MDH2: variants seen among roughly 807,000 people sequenced by gnomAD.
MDH2 encodes the protein malate dehydrogenase, mitochondrial.
In MDH2, 25 loss-of-function variants were observed where a neutral mutation model predicts 33.6. The observed-to-expected ratio is 0.74, with a 90% CI of 0.54 to 1.04. The LOEUF is 1.04. Among genes scored for constraint, MDH2 ranks in the 50% least tolerant of loss-of-function variants. MDH2 has a pLI of 0.00. For missense variants in MDH2, 432 were observed against 445.0 expected (o/e 0.97, Z 0.26); for synonymous variants, 193 against 188.7 (o/e 1.02, Z -0.19).
chr7:76,060,421 G>A lies in MDH2; in HGVS notation c.478G>A (p.Val160Met), dbSNP rs138541865. Residue 160 changes from valine to methionine, a missense_variant, in exon 5 of 9, where the codon GTG (valine) becomes ATG (methionine). Physicochemically the swap from Val to Met is conservative, Grantham distance 21. Transcript: ENST00000315758. ...AGCAGAAGTTTTCAAGAAGCATGGA[G>A]TGTACAACCCCAACAAAATCTTCGG... ...ITAEVFKKHG[V>M]YNPNKIFGVT... is the part of the protein sequence containing the mutation. 158 of 1,614,092 alleles carry A rather than the reference G, an allele frequency of 9.8e-5. 1 individual carries two copies. The highest frequency in any genetic ancestry group is 1.2e-4 in the Non-Finnish European group (147 of 1,180,044).
At chr7:76,060,871 C>T (rs1033654536) in intron 5 of MDH2, among the ~76,000 whole-genome samples, 2 of 151,686 alleles carry the variant, frequency 1.3e-5, no homozygotes, top group African/African-American at 4.8e-5. Flanking sequence ...TACCTGTTGG[C>T]CACTAGATAA....
At position 76,057,395 on chromosome 7, in the gene MDH2, G is replaced by A; in HGVS notation, c.236-15G>A. On this transcript the variant is annotated splice_polypyrimidine_tract_variant and intron_variant, in intron 2 of 8. Coordinates refer to ENST00000315758, the MANE Select transcript of MDH2 (RefSeq NM_005918.4). Reference sequence around the variant, plus strand: ...CAGAAACGGTGACATTTCTCTTGTGGGGTGTTTGTTCTAGGCTACCTCGGA... The same window carrying A: ...CAGAAACGGTGACATTTCTCTTGTGAGGTGTTTGTTCTAGGCTACCTCGGA... 6.2e-7 allele frequency: 1 copy of A among 1,613,960 alleles called. No individual in the cohort carries two copies. The highest frequency in any genetic ancestry group is 1.1e-5 in the South Asian group (1 of 91,050).
intron 1 of MDH2, among the ~76,000 whole-genome samples, chr7:76,050,307 GGCGTGAGCCA>G (rs1178373893): frequency 6.6e-6 from 1 of 152,224 alleles, no homozygotes. Flanking sequence ...TGGGATTACA[GGCGTGAGCCA>G]CCACTCCCAG....
chr7:76,048,984 G>GGGGTT (rs199738699), intron 1 of MDH2: 3 of 29,454 alleles, frequency 1.0e-4, no homozygotes, highest in Non-Finnish European at 1.4e-4. Context: ...AAGACTGCGG[G>GGGGTT]GGGGGGGGGG....
intron 1 of MDH2, among the ~76,000 whole-genome samples, chr7:76,050,102 G>T (rs1797572423): frequency 6.6e-6 from 1 of 152,148 alleles, no homozygotes; most frequent in Non-Finnish European, 1.5e-5. Context: ...CGCCATCTTG[G>T]CTCACTGCAA....
intron 4 of MDH2, among the ~76,000 whole-genome samples, chr7:76,058,485 TGAACCCTGTATATACCATGTGTATAC>T (rs1797852278): frequency 6.6e-6 from 1 of 152,120 alleles, no homozygotes; most frequent in African/African-American, 2.4e-5. Flanking sequence ...GCCTGAACCC[TGAACCCTGTATATACCATGTGTATAC>T]TGAACCCTGT....
chr7:76,053,509 G>A (rs1797680613), intron 1 of MDH2, among the ~76,000 whole-genome samples: 1 of 152,228 alleles, frequency 6.6e-6, no homozygotes, highest in African/African-American at 2.4e-5. Context: ...GAATTCAAAT[G>A]TTGGTTGTAT....
rs372196070 is a variant in MDH2, at chr7:76,060,460, G to A, written c.517G>A (p.Asp173Asn). The A allele has an allele frequency of 1.1e-5, 17 of 1,613,998 alleles. No individual in the cohort carries two copies. In the African/African-American group the frequency reaches 2.0e-4, roughly 19 times the overall value. The change falls in exon 5 of 9, where the codon GAC becomes AAC. Residue 173 changes from aspartate to asparagine, a missense_variant. Asp to Asn is a conservative substitution (Grantham distance 23). Coordinates refer to ENST00000315758, the MANE Select transcript of MDH2 (RefSeq NM_005918.4). ...PNKIFGVTTL[D>N]IVRANTFVAE... ...CAAAATCTTCGGCGTGACGACCCTG[G>A]ACATCGTCAGAGCCAACACCTTTGT...
chr7:76,063,398 C>G, intron 5 of MDH2, 117 bp from the exon 6 acceptor site: 1 of 944,766 alleles, frequency 1.1e-6, no homozygotes, highest in Non-Finnish European at 1.7e-6. Context: ...TCCTAGCTGG[C>G]TCTGTTCCAC....
In MDH2 at chr7:76,054,941, C is replaced by T; in HGVS notation, c.178C>T (p.His60Tyr). The T allele has an allele frequency of 6.2e-7, 1 of 1,614,118 alleles. No homozygotes were observed. Among genetic ancestry groups the T allele is most frequent in the Non-Finnish European group, 8.5e-7 (1 of 1,180,028 alleles). Reference protein sequence around the residue: ...VSRLTLYDIAHTPGVAADLSH... With the variant: ...VSRLTLYDIAYTPGVAADLSH... ...CCGCCTGACCCTCTATGATATCGCG[C>T]ACACACCCGGAGTGGCCGCAGATCT... Residue 60 changes from histidine (H) to tyrosine (Y), a missense_variant, in exon 2 of 9, where the codon CAC becomes TAC. Coordinates refer to ENST00000315758, the MANE Select transcript of MDH2 (RefSeq NM_005918.4).
Position 76,060,517 on chromosome 7 carries a change from T to C in MDH2, c.555+19T>C. 1 of 1,613,168 alleles carries C rather than the reference T, an allele frequency of 6.2e-7. No individual in the cohort carries two copies. The highest frequency in any genetic ancestry group is 8.5e-7 in the Non-Finnish European group (1 of 1,179,454). On this transcript the variant is annotated intron_variant, in intron 5 of 8. Coordinates refer to ENST00000315758, the MANE Select transcript of MDH2 (RefSeq NM_005918.4). ...GCTGAAGGTAAGGGCGGCGTGGGTG[T>C]TGCTCAGGTGACCTTTCTGAACTTC...
At position 76,066,527 on chromosome 7, in the gene MDH2, C is replaced by T. The variant is rs570486382; in HGVS notation, c.*117C>T. 2 of 1,270,776 alleles carry T rather than the reference C, an allele frequency of 1.6e-6. No individual in the cohort carries two copies. Among genetic ancestry groups the T allele is most frequent in the East Asian group, 2.8e-5 (1 of 36,188 alleles). The allele number at this position is 1,270,776 out of a possible 1,614,324, so 78.7% of individuals were successfully genotyped here. A position where few individuals can be genotyped will look rare whatever the true frequency, so the allele number is the denominator to read the frequency against. On this transcript the variant is annotated 3_prime_UTR_variant, in exon 9 of 9. Transcript: ENST00000315758. Reference sequence around the variant, plus strand: ...TTGGTGATGATTACTGTATTGACATCATCATGCCTTCCAAATTGTGGGTGG... The same window carrying T: ...TTGGTGATGATTACTGTATTGACATTATCATGCCTTCCAAATTGTGGGTGG...
Position 76,060,507 on chromosome 7 carries a change from G to A in MDH2, c.555+9G>A, listed in dbSNP as rs782410243. 17 of 1,613,748 alleles carry A rather than the reference G, an allele frequency of 1.1e-5. No homozygotes were observed. Among genetic ancestry groups the A allele is most frequent in the Admixed American group, 1.7e-5 (1 of 59,948 alleles). On this transcript the variant is annotated intron_variant, in intron 5 of 8. Transcript: ENST00000315758. ...TTGTTGCAGAGCTGAAGGTAAGGGC[G>A]GCGTGGGTGTTGCTCAGGTGACCTT...
At chr7:76,048,272 G>A (rs1350955707) in intron 1 of MDH2, 46 bp downstream of exon 1, 9 of 1,518,050 alleles carry the variant, frequency 5.9e-6, no homozygotes, top group Non-Finnish European at 7.9e-6. Flanking sequence ...CCCCCGGCCC[G>A]GGCCACGTGC....
chr7:76,054,067 G>A (rs975985865), intron 1 of MDH2, among the ~76,000 whole-genome samples: 1 of 152,198 alleles, frequency 6.6e-6, no homozygotes, highest in South Asian at 2.1e-4. Context: ...AAAATGCCAA[G>A]GCCTAAGCCC....
intron 7 of MDH2, 84 bp from the exon 8 acceptor site, chr7:76,064,718 G>A (rs968091523): frequency 9.0e-6 from 13 of 1,441,586 alleles, no homozygotes; most frequent in Non-Finnish European, 1.2e-5. Context: ...TGGAAGGTGT[G>A]CAGGTGTCTT....
intron 2 of MDH2, among the ~76,000 whole-genome samples, chr7:76,056,285 A>G (rs572902997): frequency 6.6e-6 from 1 of 152,312 alleles, no homozygotes; most frequent in African/African-American, 2.4e-5. Flanking sequence ...GAAGTCTTAG[A>G]GTTCTAAACA....
chr7:76,062,716 A>G (rs192805566), intron 5 of MDH2, among the ~76,000 whole-genome samples: 2 of 152,320 alleles, frequency 1.3e-5, no homozygotes, highest in East Asian at 3.9e-4. Flanking sequence ...GGAGTTCAGG[A>G]CCAGCCTGGG....
intron 2 of MDH2, among the ~76,000 whole-genome samples, chr7:76,055,252 G>A (rs959711764): frequency 6.6e-5 from 10 of 152,114 alleles, no homozygotes; most frequent in Non-Finnish European, 1.3e-4. Flanking sequence ...GTAGTATGAG[G>A]ATGGGGAAGA....
Sources: gnomAD v4.1 joint callset for allele counts (sites outside exome capture counted in the v4.1 genomes callset) on GRCh38, gnomAD v4.1.1 for gene constraint, MANE v1.5 for transcripts, NCBI Gene and HGNC (gene_info 2026-07-23, HGNC 2026-07-21) for gene names.